PDE11A: variants seen among roughly 807,000 people sequenced by gnomAD.
The protein encoded by PDE11A is phosphodiesterase 11A, also known as dual 3',5'-cyclic-AMP and -GMP phosphodiesterase 11A.
Under a neutral mutation model 100.5 loss-of-function variants are expected in PDE11A, and 100 were observed. That is an observed-to-expected ratio of 1.00 (90% CI 0.85 to 1.18). The LOEUF (loss-of-function observed/expected upper bound fraction) is 1.18. Among genes scored for constraint, PDE11A ranks in the 50% most tolerant of loss-of-function variants. The pLI, the probability that PDE11A is intolerant of heterozygous loss-of-function variation, is 0.00. For synonymous variants in PDE11A, 381 were observed against 420.8 expected (o/e 0.91, Z 1.16); for missense variants, 1,141 against 1,152.6 (o/e 0.99, Z 0.15).
Position 177,660,031 on chromosome 2 carries a change from TTTTC to T in PDE11A, c.2646+3831_2646+3834del, listed in dbSNP as rs1173068300. Among the ~76,000 whole-genome samples, 893 of 125,524 alleles carry T rather than the reference TTTTC, an allele frequency of 7.1e-3. 12 individuals are homozygous for T. Among genetic ancestry groups the T allele is most frequent in the African/African-American group, 0.019 (651 of 33,942 alleles). The allele number at this position is 125,524 out of a possible 152,430, so 82.3% of individuals were successfully genotyped here. Reference sequence around the variant, plus strand: ...TCACGACTTCATCCTGTTACAATCATTTTCTTTCTTTCTTTCTTTCTTTCTTTCT... The same window carrying T: ...TCACGACTTCATCCTGTTACAATCATTTTCTTTCTTTCTTTCTTTCTTTCT... On this transcript the variant is annotated intron_variant, in intron 19 of 19. Coordinates refer to ENST00000286063, the MANE Select transcript of PDE11A (RefSeq NM_016953.4).
Position 177,701,641 on chromosome 2 carries a change from T to A in PDE11A, c.2154-430A>T, listed in dbSNP as rs550039039. Among the ~76,000 whole-genome samples the A allele has an allele frequency of 2.7e-4, 41 of 152,326 alleles. No homozygotes were observed. The South Asian group carries it at 3.1e-3, about 12-fold the overall frequency. ...AAGACATAATTTCTGGCTCCGGGGATCAGGGAAGCTTCATGAACTAAACCT... is the reference window on the plus strand; with the variant it reads ...AAGACATAATTTCTGGCTCCGGGGAACAGGGAAGCTTCATGAACTAAACCT... On this transcript the variant is annotated intron_variant, in intron 13 of 19. Transcript: ENST00000286063.
chr2:177,881,414 T>A (rs1341483168), intron 4 of PDE11A, among the ~76,000 whole-genome samples: 1 of 151,976 alleles, frequency 6.6e-6, no homozygotes, highest in African/African-American at 2.4e-5. Context: ...CTCCTATTGG[T>A]TCTGTTTCTC....
At chr2:177,863,428 A>G (rs1371936393) in intron 5 of PDE11A, among the ~76,000 whole-genome samples, 2 of 152,042 alleles carry the variant, frequency 1.3e-5, no homozygotes, top group East Asian at 1.9e-4. Flanking sequence ...TGCAAACTAT[A>G]TATCTGACAA....
At chr2:178,056,377 C>T (rs2086899428) in intron 1 of PDE11A, among the ~76,000 whole-genome samples, 1 of 152,162 alleles carries the variant, frequency 6.6e-6, no homozygotes, top group African/African-American at 2.4e-5. Context: ...TGGGTTGCTG[C>T]TGCTAAAAGT....
intron 6 of PDE11A, among the ~76,000 whole-genome samples, chr2:177,821,837 T>C (rs547982693): frequency 6.6e-6 from 1 of 151,962 alleles, no homozygotes; most frequent in Non-Finnish European, 1.5e-5. Context: ...TTCCTACTTA[T>C]GATTAATGAA....
chr2:178,027,079 T>C (rs568636681), intron 1 of PDE11A, among the ~76,000 whole-genome samples: 30 of 152,304 alleles, frequency 2.0e-4, no homozygotes, highest in African/African-American at 7.0e-4. Flanking sequence ...TCTACTTTTA[T>C]ACATTGCTAA....
intron 2 of PDE11A, among the ~76,000 whole-genome samples, chr2:177,982,099 T>C (rs2085890617): frequency 1.3e-5 from 2 of 151,070 alleles, no homozygotes; most frequent in Non-Finnish European, 3.0e-5. Context: ...ATTGTACTAA[T>C]CACGAATGGA....
intron 10 of PDE11A, among the ~76,000 whole-genome samples, chr2:177,743,678 C>A (rs2081907540): frequency 6.6e-6 from 1 of 152,102 alleles, no homozygotes; most frequent in South Asian, 2.1e-4. Flanking sequence ...TGAATTCACA[C>A]CCTTATAAGG....
chr2:177,762,243 G>A (rs1047025939), intron 10 of PDE11A, among the ~76,000 whole-genome samples: 11 of 152,182 alleles, frequency 7.2e-5, no homozygotes, highest in African/African-American at 2.4e-4. Flanking sequence ...CCAACAGCCA[G>A]GAGGTCGTAG....
intron 1 of PDE11A, among the ~76,000 whole-genome samples, chr2:178,067,831 G>T (rs1375599664): frequency 6.6e-6 from 1 of 152,136 alleles, no homozygotes; most frequent in Non-Finnish European, 1.5e-5. Context: ...GTGCATGTTT[G>T]TTGGAACTAA....
chr2:178,084,500 G>A (rs2087324084), intron 2 of PDE11A, among the ~76,000 whole-genome samples: 1 of 152,198 alleles, frequency 6.6e-6, no homozygotes, highest in South Asian at 2.1e-4. Context: ...TGGAGAAGTA[G>A]TCGGAGAGTA....
At chr2:177,771,793 AG>A (rs2082314180) in intron 9 of PDE11A, among the ~76,000 whole-genome samples, 1 of 152,076 alleles carries the variant, frequency 6.6e-6, no homozygotes, top group South Asian at 2.1e-4. Flanking sequence ...ACCTGAGGTG[AG>A]GAGTTCAATA....
intron 9 of PDE11A, among the ~76,000 whole-genome samples, chr2:177,804,881 G>T (rs1268241505): frequency 6.6e-6 from 1 of 151,684 alleles, no homozygotes; most frequent in Non-Finnish European, 1.5e-5. Flanking sequence ...CTAAAGAATG[G>T]GTACACATGG....
intron 2 of PDE11A, among the ~76,000 whole-genome samples, chr2:177,923,347 C>T (rs1408592630): frequency 2.9e-5 from 4 of 137,846 alleles, no homozygotes; most frequent in Admixed American, 1.5e-4. Flanking sequence ...GATGAAAGAG[C>T]GAGGCTCTGT....
rs550992336 is a variant in PDE11A at position 178,090,918 on chromosome 2, C to T, written c.162+13384G>A. ...CTGGCACTGGGCTCCATGAGGAGCG[C>T]ATTCTCCCCGACTTACCAGATGCAT... On this transcript the variant is annotated intron_variant, in intron 2 of 20. Coordinates refer to the PDE11A transcript ENST00000358450. Among the ~76,000 whole-genome samples the T allele has an allele frequency of 2.0e-5, 3 of 152,282 alleles. No individual in the cohort carries two copies. In the East Asian group the frequency reaches 5.8e-4, roughly 29 times the overall value.
intron 16 of PDE11A, chr2:177,675,822 A>G: frequency 2.1e-6 from 1 of 474,082 alleles, no homozygotes; most frequent in Non-Finnish European, 4.0e-6. Context: ...CTCTGCTTAA[A>G]ATAATTTATA....
intron 1 of PDE11A, chr2:178,105,766 C>A (rs762146770): frequency 6.1e-5 from 65 of 1,061,038 alleles, no homozygotes; most frequent in Non-Finnish European, 7.4e-5. Flanking sequence ...AGCCCCTGGG[C>A]CAGATCACTT....
intron 9 of PDE11A, among the ~76,000 whole-genome samples, chr2:177,808,226 G>A (rs2105564886): frequency 6.6e-6 from 1 of 152,254 alleles, no homozygotes; most frequent in Non-Finnish European, 1.5e-5. Context: ...TTACAAATGA[G>A]AACAATTCTG....
Position 178,072,639 on chromosome 2 carries a change from C to A in PDE11A, c.-202G>T, listed in dbSNP as rs1262374006. The A allele has an allele frequency of 2.8e-5, 41 of 1,476,438 alleles. No individual in the cohort carries two copies. The highest frequency in any genetic ancestry group is 3.4e-5 in the Non-Finnish European group (38 of 1,116,842). 91.5% of individuals were successfully genotyped at this position (1,476,438 alleles called of 1,614,324 possible). Reference sequence around the variant, plus strand: ...AGAGTGGCTGGCGCCGACCCCACCCCGTGGTCCTGCTACTCCTGCTCCGCA... The same window carrying A: ...AGAGTGGCTGGCGCCGACCCCACCCAGTGGTCCTGCTACTCCTGCTCCGCA... On this transcript the variant is annotated 5_prime_UTR_variant, in exon 1 of 20. Coordinates refer to ENST00000286063, the MANE Select transcript of PDE11A (RefSeq NM_016953.4).
Sources: allele counts gnomAD v4.1 joint callset (sites outside exome capture counted in the v4.1 genomes callset), GRCh38; gene constraint gnomAD v4.1.1; transcripts MANE v1.5; gene names NCBI Gene and HGNC (gene_info 2026-07-23, HGNC 2026-07-21).